SLC8A1: variants seen among roughly 807,000 people sequenced by gnomAD.
SLC8A1 encodes the protein solute carrier family 8 member A1, also known as sodium/calcium exchanger 1.
In SLC8A1, 18 loss-of-function variants were observed where a neutral mutation model predicts 68.3. The ratio of observed to expected loss-of-function variants is 0.26; its 90% confidence interval spans 0.18 to 0.39. The LOEUF is 0.39. SLC8A1 is among the 10% of genes least tolerant of loss of function. SLC8A1 has a pLI of 1.00. For missense variants in SLC8A1, 985 were observed against 1,156.7 expected (o/e 0.85, Z 2.15); for synonymous variants, 475 against 415.5 (o/e 1.14, Z -1.74).
At position 40,174,668 on chromosome 2, in the gene SLC8A1, T is replaced by TG. The variant is rs776709579; in HGVS notation, c.1930+156dup. 10 of 1,460,950 alleles carry TG rather than the reference T, an allele frequency of 6.8e-6. No individual in the cohort carries two copies. In the South Asian group the frequency reaches 1.2e-4, roughly 18 times the overall value. 90.5% of individuals were successfully genotyped at this position (1,460,950 alleles called of 1,614,324 possible). ...GTTTGGATTGATGGTTAAGGGTATT[T>TG]GGGGAAAAATAAGGAACATTAAAAA... On this transcript the variant is annotated intron_variant, in intron 4 of 7. Coordinates refer to ENST00000406785, the Ensembl canonical transcript of SLC8A1.
chr2:40,432,039 A>G (rs1698432677), intron 1 of SLC8A1, among the ~76,000 whole-genome samples: 1 of 152,170 alleles, frequency 6.6e-6, no homozygotes, highest in Admixed American at 6.5e-5. Context: ...ATATTTTCAA[A>G]ATATGCAAAA....
intron 1 of SLC8A1, among the ~76,000 whole-genome samples, chr2:40,444,856 C>T (rs898791467): frequency 1.3e-5 from 2 of 152,132 alleles, no homozygotes; most frequent in Non-Finnish European, 2.9e-5. Flanking sequence ...CTATAGTTCA[C>T]AAAGCCAGAA....
At chr2:40,140,287 G>C (rs752553653) in intron 6 of SLC8A1, among the ~76,000 whole-genome samples, 1 of 152,174 alleles carries the variant, frequency 6.6e-6, no homozygotes, top group Non-Finnish European at 1.5e-5. Flanking sequence ...TTCCAAACCA[G>C]ATACACTTTC....
intron 2 of SLC8A1, among the ~76,000 whole-genome samples, chr2:40,282,428 T>C (rs1418480586): frequency 6.6e-6 from 1 of 152,190 alleles, no homozygotes; most frequent in African/African-American, 2.4e-5. Flanking sequence ...ACATTGAGCA[T>C]CCATCTTACT....
exon 8 of SLC8A1, chr2:40,101,370 A>G (rs1469353994): frequency 6.6e-6 from 1 of 152,158 alleles, no homozygotes. Context: ...GTCATTAAGT[A>G]TAATTTAGTA....
chr2:40,303,061 A>C (rs1407647547), intron 2 of SLC8A1, among the ~76,000 whole-genome samples: 2 of 152,224 alleles, frequency 1.3e-5, no homozygotes, highest in East Asian at 1.9e-4. Flanking sequence ...GACTGTAAGC[A>C]CTAGCAAAAT....
At chr2:40,326,181 C>CA (rs2075806753) in intron 2 of SLC8A1, among the ~76,000 whole-genome samples, 1 of 152,144 alleles carries the variant, frequency 6.6e-6, no homozygotes, top group African/African-American at 2.4e-5. Flanking sequence ...TCTTCGAACT[C>CA]AGAGCTAGGG....
chr2:40,502,371 T>C (rs1226284407), intron 1 of SLC8A1, among the ~76,000 whole-genome samples: 2 of 152,034 alleles, frequency 1.3e-5, no homozygotes, highest in Non-Finnish European at 2.9e-5. Context: ...TTCTTTAGAT[T>C]CTCAAATTTC....
At chr2:40,295,018 A>C (rs1381101191) in intron 2 of SLC8A1, among the ~76,000 whole-genome samples, 2 of 152,214 alleles carry the variant, frequency 1.3e-5, no homozygotes. Flanking sequence ...CACACAGCAT[A>C]ATACATGAGA....
At chr2:40,511,889 G>A (rs1706750849) in intron 1 of SLC8A1, among the ~76,000 whole-genome samples, 2 of 152,208 alleles carry the variant, frequency 1.3e-5, no homozygotes, top group South Asian at 4.1e-4. Flanking sequence ...TCGTTTACAA[G>A]CAGCTCTTCC....
intron 6 of SLC8A1, among the ~76,000 whole-genome samples, chr2:40,157,992 G>C (rs1340687092): frequency 6.6e-6 from 1 of 152,192 alleles, no homozygotes; most frequent in Non-Finnish European, 1.5e-5. Flanking sequence ...CCACAGGGTT[G>C]ACTTTGAAAC....
At chr2:40,260,688 T>C (rs1574864904) in intron 2 of SLC8A1, among the ~76,000 whole-genome samples, 1 of 151,490 alleles carries the variant, frequency 6.6e-6, no homozygotes, top group Non-Finnish European at 1.5e-5. Flanking sequence ...AGTTGTGATA[T>C]AGTCTGCTGA....
At chr2:40,264,680 T>C (rs1482959909) in intron 2 of SLC8A1, among the ~76,000 whole-genome samples, 2 of 152,110 alleles carry the variant, frequency 1.3e-5, no homozygotes, top group African/African-American at 2.4e-5. Context: ...AAGGGGAACA[T>C]CACACTCTGA....
chr2:40,127,378 C>A (rs1024930564), intron 7 of SLC8A1, among the ~76,000 whole-genome samples: 7 of 152,168 alleles, frequency 4.6e-5, no homozygotes, highest in Non-Finnish European at 8.8e-5. Context: ...CAGCCTCAAA[C>A]CAAGTGCTGG....
chr2:40,348,502 T>C (rs1191984904), intron 2 of SLC8A1, among the ~76,000 whole-genome samples: 3 of 152,206 alleles, frequency 2.0e-5, no homozygotes, highest in Admixed American at 6.5e-5. Context: ...AATGTATAAC[T>C]TCAAGAAAAA....
At chr2:40,200,722 C>T (rs780563026) in intron 2 of SLC8A1, among the ~76,000 whole-genome samples, 4 of 151,688 alleles carry the variant, frequency 2.6e-5, no homozygotes, top group African/African-American at 7.3e-5. Flanking sequence ...ACCAAGTCAC[C>T]ATAACTCTTA....
chr2:40,187,237 C>T (rs566977773), intron 2 of SLC8A1, among the ~76,000 whole-genome samples: 3 of 152,288 alleles, frequency 2.0e-5, no homozygotes, highest in Admixed American at 6.5e-5. Flanking sequence ...TAGCAGGATA[C>T]GCACAGGGAT....
rs1181446633 is a variant in SLC8A1, at chr2:40,412,987, G to T, written c.1808+15486C>A. Among the ~76,000 whole-genome samples the T allele has an allele frequency of 2.0e-5, 3 of 152,112 alleles. No homozygotes were observed. In the South Asian group the frequency reaches 6.2e-4, roughly 32 times the overall value. On this transcript the variant is annotated intron_variant, in intron 2 of 7. Coordinates refer to ENST00000406785, the Ensembl canonical transcript of SLC8A1. ...TACATATGTATACATGTGCCATGTT[G>T]GTGTGCTGCACCCATTAACTTGTCA...
chr2:40,376,652 G>T (rs1679974215), intron 2 of SLC8A1, among the ~76,000 whole-genome samples: 1 of 152,036 alleles, frequency 6.6e-6, no homozygotes, highest in South Asian at 2.1e-4. Context: ...CAAACAACAG[G>T]ACCAGGCAAC....
Sources: allele counts gnomAD v4.1 joint callset (sites outside exome capture counted in the v4.1 genomes callset), GRCh38; gene constraint gnomAD v4.1.1; transcripts MANE v1.5; gene names NCBI Gene and HGNC (gene_info 2026-07-23, HGNC 2026-07-21).